Variants in PRICKLE2 observed in about 807,000 individuals in gnomAD.
PRICKLE2 encodes prickle planar cell polarity protein 2.
PRICKLE2 carries 21 observed loss-of-function variants against 81.4 expected under a neutral mutation model. The observed-to-expected ratio is 0.26, with a 90% confidence interval of 0.18 to 0.37. The LOEUF (loss-of-function observed/expected upper bound fraction) is 0.37, where lower values mean the gene tolerates loss of function less well. Among genes scored for constraint, PRICKLE2 ranks in the 10% least tolerant of loss-of-function variants. The pLI is 1.00. For missense variants in PRICKLE2, 940 were observed against 1,109.0 expected (o/e 0.85, Z 2.16); for synonymous variants, 456 against 421.5 (o/e 1.08, Z -1.00).
chr3:64,132,381 T>A (rs938821976), intron 7 of PRICKLE2, among the ~76,000 whole-genome samples: 1 of 152,180 alleles, frequency 6.6e-6, no homozygotes, highest in Non-Finnish European at 1.5e-5. Flanking sequence ...AAAGTATTTA[T>A]TGTCCTGGCT....
Position 64,159,826 on chromosome 3 carries a change from T to C in PRICKLE2, c.396+114A>G, listed in dbSNP as rs553614371. The C allele has an allele frequency of 4.0e-5, 55 of 1,369,798 alleles. No homozygotes were observed. In the African/African-American group the frequency reaches 7.5e-4, roughly 19 times the overall value. The allele number at this position is 1,369,798 out of a possible 1,614,324, so 84.9% of individuals were successfully genotyped here. The stretch of plus-strand genomic sequence containing the variant: ...AAGATGAAACTTTCCCGTCTTTTGT[T>C]CACTACTGTATCTCAGGCACATAGT... On this transcript the variant is annotated intron_variant, in intron 4 of 7. Coordinates refer to ENST00000638394, the MANE Select transcript of PRICKLE2 (RefSeq NM_198859.4).
chr3:64,126,388 TGCAG>T (rs765732408), intron 7 of PRICKLE2, among the ~76,000 whole-genome samples: 2 of 152,198 alleles, frequency 1.3e-5, no homozygotes, highest in Non-Finnish European at 2.9e-5. Context: ...TTTCAAATCT[TGCAG>T]GCATCTTAAA....
intron 7 of PRICKLE2, among the ~76,000 whole-genome samples, chr3:64,114,671 A>AC (rs2076906416): frequency 6.6e-6 from 1 of 151,514 alleles, no homozygotes; most frequent in Non-Finnish European, 1.5e-5. Flanking sequence ...CAAGAATAGA[A>AC]AAAAAAAAGA....
intron 2 of PRICKLE2, among the ~76,000 whole-genome samples, chr3:64,255,079 A>G (rs1205862191): frequency 1.3e-5 from 2 of 152,168 alleles, no homozygotes; most frequent in Non-Finnish European, 2.9e-5. Context: ...ACATTTTCCC[A>G]TTTAGGATAA....
rs969047471 is a variant in PRICKLE2, at chr3:64,097,582, A to G, written c.*1469T>C. The G allele has an allele frequency of 6.6e-6, 1 of 152,642 alleles. No homozygotes were observed. Among genetic ancestry groups the G allele is most frequent in the African/African-American group, 2.4e-5 (1 of 41,446 alleles). The allele number at this position is 152,642 out of a possible 1,614,324, so 9.5% of individuals were successfully genotyped here. ...AACAGCACAACCGTTAAATGTCTTC[A>G]TTAAGCAAACTCACTTTTGAGCCCA... On this transcript the variant is annotated 3_prime_UTR_variant, in exon 8 of 8. Transcript: ENST00000638394.
intron 7 of PRICKLE2, among the ~76,000 whole-genome samples, chr3:64,113,363 C>T (rs2076881855): frequency 6.6e-6 from 1 of 152,112 alleles, no homozygotes; most frequent in Admixed American, 6.5e-5. Flanking sequence ...CCTGTGCACC[C>T]CTTAGTCTGT....
intron 2 of PRICKLE2, among the ~76,000 whole-genome samples, chr3:64,172,288 G>A (rs546959217): frequency 7.9e-5 from 12 of 152,256 alleles, no homozygotes; most frequent in South Asian, 2.1e-4. Context: ...ACGCATTTGC[G>A]TATATGCCCT....
intron 7 of PRICKLE2, among the ~76,000 whole-genome samples, chr3:64,106,939 A>G (rs967320888): frequency 6.6e-6 from 1 of 152,210 alleles, no homozygotes; most frequent in Non-Finnish European, 1.5e-5. Context: ...CACAGATATC[A>G]GGTCATTTCC....
intron 7 of PRICKLE2, among the ~76,000 whole-genome samples, chr3:64,112,415 C>T (rs2076863312): frequency 6.6e-6 from 1 of 152,172 alleles, no homozygotes; most frequent in Non-Finnish European, 1.5e-5. Context: ...ATTTGTGGGA[C>T]AGCAGTTCAT....
chr3:64,183,004 C>T (rs564613582), intron 2 of PRICKLE2, among the ~76,000 whole-genome samples: 24 of 152,024 alleles, frequency 1.6e-4, no homozygotes, highest in Non-Finnish European at 2.9e-4. Context: ...GTATTATACC[C>T]ATCAATTAAA....
At chr3:64,175,516 G>C (rs189283589) in intron 2 of PRICKLE2, among the ~76,000 whole-genome samples, 1 of 152,230 alleles carries the variant, frequency 6.6e-6, no homozygotes, top group African/African-American at 2.4e-5. Context: ...TTCTGATCAA[G>C]GGTCCCGAAA....
Position 64,095,511 on chromosome 3 carries a change from G to A in PRICKLE2, c.*3540C>T, listed in dbSNP as rs977486642. 2.0e-5 allele frequency: 3 copies of A among 152,224 alleles called. No individual in the cohort carries two copies. Among genetic ancestry groups the A allele is most frequent in the Non-Finnish European group, 2.9e-5 (2 of 68,078 alleles). 9.4% of individuals were successfully genotyped at this position (152,224 alleles called of 1,614,324 possible). A position where few individuals can be genotyped will look rare whatever the true frequency, so the allele number is the denominator to read the frequency against. On this transcript the variant is annotated 3_prime_UTR_variant, in exon 8 of 8. Coordinates refer to ENST00000638394, the MANE Select transcript of PRICKLE2 (RefSeq NM_198859.4). Reference sequence around the variant, plus strand: ...CACATTCTCAGCAAGAGTATACAGTGATGCATTGGTTGTATCTGCTCAGCT... The same window carrying A: ...CACATTCTCAGCAAGAGTATACAGTAATGCATTGGTTGTATCTGCTCAGCT...
intron 2 of PRICKLE2, among the ~76,000 whole-genome samples, chr3:64,176,013 A>G (rs1362480548): frequency 5.3e-5 from 8 of 152,176 alleles, no homozygotes; most frequent in Admixed American, 5.2e-4. Context: ...AGTGACATCT[A>G]TGCTCAAAAC....
chr3:64,217,115 C>T (rs1458246913), intron 1 of PRICKLE2, among the ~76,000 whole-genome samples: 2 of 152,142 alleles, frequency 1.3e-5, no homozygotes, highest in African/African-American at 2.4e-5. Flanking sequence ...TAACCAATGG[C>T]TGGACTGCCA....
intron 1 of PRICKLE2, among the ~76,000 whole-genome samples, chr3:64,215,053 C>T (rs1281937715): frequency 6.6e-6 from 1 of 152,068 alleles, no homozygotes; most frequent in African/African-American, 2.4e-5. Context: ...TAATTTCCAC[C>T]ACCGTTTGTT....
At chr3:64,168,819 G>A (rs1048087938) in intron 2 of PRICKLE2, among the ~76,000 whole-genome samples, 1 of 152,140 alleles carries the variant, frequency 6.6e-6, no homozygotes, top group Non-Finnish European at 1.5e-5. Context: ...CCACAGAAAC[G>A]ATGAACACAT....
intron 7 of PRICKLE2, among the ~76,000 whole-genome samples, chr3:64,121,815 A>G (rs534931424): frequency 6.6e-6 from 1 of 152,284 alleles, no homozygotes; most frequent in Non-Finnish European, 1.5e-5. Context: ...ATTTGCTATA[A>G]ACGGTGCTTT....
upstream of PRICKLE2, among the ~76,000 whole-genome samples, chr3:64,227,095 T>C (rs942342881): frequency 3.3e-5 from 5 of 152,238 alleles, no homozygotes; most frequent in Non-Finnish European, 5.9e-5. Context: ...ATTGTATTAA[T>C]AATGCTTAAT....
rs536676620 is a variant in PRICKLE2, at chr3:64,205,959, C to T, written c.-40-6992G>A. Among the ~76,000 whole-genome samples the T allele has an allele frequency of 3.9e-5, 6 of 152,210 alleles. No homozygotes were observed. The South Asian group carries it at 6.2e-4, about 16-fold the overall frequency. On this transcript the variant is annotated intron_variant, in intron 1 of 7. Coordinates refer to ENST00000638394, the MANE Select transcript of PRICKLE2 (RefSeq NM_198859.4). ...AAACCACCATATTTCCTAGACTCCA[C>T]GAAGTCATTTCTAGCATGTGCCAAA...
Sources: gnomAD v4.1 joint callset for allele counts (sites outside exome capture counted in the v4.1 genomes callset) on GRCh38, gnomAD v4.1.1 for gene constraint, MANE v1.5 for transcripts, NCBI Gene and HGNC (gene_info 2026-07-23, HGNC 2026-07-21) for gene names.